Variants in CCDC146 observed in about 807,000 individuals in gnomAD.
CCDC146 encodes the protein coiled-coil domain-containing protein 146.
A neutral mutation model predicts 119.3 loss-of-function variants in CCDC146; 92 were observed. That is an observed-to-expected ratio of 0.77 (90% CI 0.65 to 0.92). CCDC146 has a LOEUF of 0.92. Among genes scored for constraint, CCDC146 ranks in the 40% least tolerant of loss-of-function variants. CCDC146 has a pLI of 0.00. For synonymous variants in CCDC146, 372 were observed against 371.8 expected (o/e 1.00, Z -0.01); for missense variants, 1,000 against 1,103.0 (o/e 0.91, Z 1.32).
At position 77,286,896 on chromosome 7, in the gene CCDC146, C is replaced by T. The variant is rs139431413; in HGVS notation, c.2247C>T (p.Thr749=). 5.9e-5 allele frequency: 95 copies of T among 1,613,806 alleles called. 1 individual carries two copies. The highest frequency in any genetic ancestry group is 4.0e-4 in the Admixed American group (24 of 59,980). The change falls in exon 16 of 19, where the codon ACC becomes ACT. Residue 749 remains threonine (T), a synonymous_variant. Transcript: ENST00000285871. ...RARFLPGKDL[T]EKEMIQKLDK... is the part of the protein sequence containing the mutation. ...GCTTCCTTCCAGGGAAAGATCTGAC[C>T]GAAAAAGAAATGATCCAAAAATTAG...
At chr7:77,155,526 G>A (rs1399634159) in intron 1 of CCDC146, among the ~76,000 whole-genome samples, 1 of 151,940 alleles carries the variant, frequency 6.6e-6, no homozygotes, top group Non-Finnish European at 1.5e-5. Context: ...TAATAGGAAA[G>A]AGTGAGGGAT....
chr7:77,166,907 G>GTT (rs1385144212), intron 1 of CCDC146, among the ~76,000 whole-genome samples: 1 of 152,140 alleles, frequency 6.6e-6, no homozygotes, highest in East Asian at 1.9e-4. Flanking sequence ...AAGAACCTCA[G>GTT]TTTTGCTCCT....
At chr7:77,252,817 T>C (rs1357191105) in intron 4 of CCDC146, among the ~76,000 whole-genome samples, 1 of 152,266 alleles carries the variant, frequency 6.6e-6, no homozygotes, top group East Asian at 1.9e-4. Flanking sequence ...GTGCAAGTCA[T>C]GCAGCCACGT....
At chr7:77,267,455 T>C (rs1404689487) in intron 9 of CCDC146, among the ~76,000 whole-genome samples, 2 of 152,248 alleles carry the variant, frequency 1.3e-5, no homozygotes, top group Non-Finnish European at 2.9e-5. Flanking sequence ...CCAGTTCTTT[T>C]GGTATATCTT....
chr7:77,227,261 C>G (rs116081860), intron 2 of CCDC146, among the ~76,000 whole-genome samples: 1,651 of 152,278 alleles, frequency 0.011, 42 homozygotes, highest in African/African-American at 0.038. Context: ...AACTAGCCAA[C>G]ATGTATCCTT....
intron 2 of CCDC146, among the ~76,000 whole-genome samples, chr7:77,233,160 C>T (rs2150478071): frequency 6.6e-6 from 1 of 151,214 alleles, no homozygotes; most frequent in Non-Finnish European, 1.5e-5. Context: ...GTGATCTCAG[C>T]TCACTGCAAC....
At chr7:77,280,819 C>G (rs146969927) in intron 14 of CCDC146, among the ~76,000 whole-genome samples, 166 bp downstream of exon 14, 2 of 152,310 alleles carry the variant, frequency 1.3e-5, no homozygotes, top group East Asian at 3.9e-4. Context: ...ATAAGAAACA[C>G]TGTCCTCACG....
At chr7:77,293,431 C>G (rs1793988606) in intron 18 of CCDC146, among the ~76,000 whole-genome samples, 1 of 152,230 alleles carries the variant, frequency 6.6e-6, no homozygotes, top group South Asian at 2.1e-4. Context: ...CACCCCATAG[C>G]CTTACATCCT....
chr7:77,201,636 T>G (rs1260221038), intron 2 of CCDC146, among the ~76,000 whole-genome samples: 2 of 151,838 alleles, frequency 1.3e-5, no homozygotes. Flanking sequence ...AAATGTAACA[T>G]TCTTCCCAAA....
chr7:77,241,548 G>C (rs1792848644), intron 3 of CCDC146, 143 bp from the exon 4 acceptor site: 5 of 676,988 alleles, frequency 7.4e-6, no homozygotes, highest in Admixed American at 5.5e-5. Flanking sequence ...CGGACATGAA[G>C]GGTCAACTGA....
At chr7:77,181,494 A>G (rs1464730490) in intron 2 of CCDC146, among the ~76,000 whole-genome samples, 1 of 152,220 alleles carries the variant, frequency 6.6e-6, no homozygotes, top group Admixed American at 6.5e-5. Flanking sequence ...CCGCGTATAT[A>G]GGGCAAATGT....
intron 2 of CCDC146, among the ~76,000 whole-genome samples, chr7:77,177,716 T>C (rs1352358155): frequency 6.6e-6 from 1 of 152,230 alleles, no homozygotes; most frequent in Non-Finnish European, 1.5e-5. Flanking sequence ...GCTGTACTTA[T>C]AGGCTGTGCT....
At chr7:77,294,221 C>T (rs1216662628) in intron 18 of CCDC146, among the ~76,000 whole-genome samples, 1 of 152,098 alleles carries the variant, frequency 6.6e-6, no homozygotes, top group Non-Finnish European at 1.5e-5. Flanking sequence ...GTTGCTCTGC[C>T]TTTGTCAAAA....
intron 1 of CCDC146, among the ~76,000 whole-genome samples, chr7:77,149,774 GA>G (rs201067495): frequency 0.023 from 2,370 of 104,696 alleles, 63 homozygotes; most frequent in African/African-American, 0.079. Flanking sequence ...CAAAGAAAAA[GA>G]AAAAAAAAAG....
At chr7:77,188,678 G>A (rs1401450920) in intron 2 of CCDC146, among the ~76,000 whole-genome samples, 2 of 152,156 alleles carry the variant, frequency 1.3e-5, no homozygotes, top group African/African-American at 4.8e-5. Context: ...GCTGTCAGGT[G>A]TCTTCCTAAG....
At chr7:77,159,699 A>G (rs71217107) in intron 1 of CCDC146, among the ~76,000 whole-genome samples, 3 of 151,946 alleles carry the variant, frequency 2.0e-5, no homozygotes, top group Non-Finnish European at 2.9e-5. Context: ...TTTTTGAGGA[A>G]ACTTCATACT....
rs369071852 is a variant in CCDC146 at position 77,189,194 on chromosome 7, TCA to T, written c.156+21376_156+21377del. 6.0e-3 allele frequency among the ~76,000 whole-genome samples: 913 copies of T among 152,252 alleles called. 4 individuals carry two copies. The highest frequency in any genetic ancestry group is 0.017 in the Middle Eastern group (5 of 294). ...CTCCCACCCCACTCCATTCCACTCC[TCA>T]CACACTTTGCAGACAGGCTTCCCCT... On this transcript the variant is annotated intron_variant, in intron 2 of 18. Transcript: ENST00000285871.
chr7:77,144,642 G>C (rs1430171401), intron 1 of CCDC146, among the ~76,000 whole-genome samples: 1 of 151,722 alleles, frequency 6.6e-6, no homozygotes, highest in African/African-American at 2.4e-5. Flanking sequence ...GTTGAATTTT[G>C]TCAAAGGCTT....
Position 77,206,992 on chromosome 7 carries a change from C to CT in CCDC146, c.157-29947dup, listed in dbSNP as rs1486406337. ...GCTGGCCATTGCATTCTTTGAAATT[C>CT]TTTTTTTTAAAGATTCTTAACTTTA... On this transcript the variant is annotated intron_variant, in intron 2 of 18. Transcript: ENST00000285871. Among the ~76,000 whole-genome samples, 11 of 151,790 alleles carry CT rather than the reference C, an allele frequency of 7.2e-5. No individual in the cohort carries two copies. In the South Asian group the frequency reaches 2.3e-3, roughly 32 times the overall value.
Sources: allele counts gnomAD v4.1 joint callset (sites outside exome capture counted in the v4.1 genomes callset), GRCh38; gene constraint gnomAD v4.1.1; transcripts MANE v1.5; gene names NCBI Gene and HGNC (gene_info 2026-07-23, HGNC 2026-07-21).